Variants in SF3B3 observed in about 807,000 individuals in gnomAD.
SF3B3 encodes the protein splicing factor 3b subunit 3.
In SF3B3, 33 loss-of-function variants were observed where a neutral mutation model predicts 139.2. The observed-to-expected ratio is 0.24, with a 90% CI of 0.18 to 0.32. The LOEUF is 0.32. Ranked by LOEUF, SF3B3 falls within the 10% of genes least tolerant of loss-of-function variation. The pLI is 1.00. For synonymous variants in SF3B3, 596 were observed against 563.6 expected, an observed-to-expected ratio of 1.06 and a Z score of -0.81; for missense variants, 818 against 1,509.4, an observed-to-expected ratio of 0.54 and a Z score of 7.59.
At chr16:70,547,039 A>AAT (rs920020517) in intron 10 of SF3B3, among the ~76,000 whole-genome samples, 2 of 151,370 alleles carry the variant, frequency 1.3e-5, no homozygotes, top group Non-Finnish European at 2.9e-5. Flanking sequence ...AAAAAAAAAA[A>AAT]TTTTTTTTTA....
intron 22 of SF3B3, among the ~76,000 whole-genome samples, chr16:70,568,749 A>T (rs77880558): frequency 0.032 from 4,826 of 152,246 alleles, 292 homozygotes; most frequent in African/African-American, 0.11. Context: ...CTAATGGCTA[A>T]TATTTCTTTT....
intron 1 of SF3B3, 95 bp downstream of exon 1, chr16:70,524,023 G>C: frequency 2.5e-6 from 1 of 407,106 alleles, no homozygotes; most frequent in Non-Finnish European, 4.3e-6. Flanking sequence ...GTCACGGGCA[G>C]TCTAGGCCCG....
intron 20 of SF3B3, chr16:70,565,738 G>A (rs974889320): frequency 1.1e-5 from 6 of 536,102 alleles, no homozygotes; most frequent in African/African-American, 7.5e-5. Context: ...CCATAATGGG[G>A]AGATAGATGC....
intron 2 of SF3B3, among the ~76,000 whole-genome samples, chr16:70,528,090 A>C (rs906539121): frequency 6.6e-6 from 1 of 150,432 alleles, no homozygotes; most frequent in Non-Finnish European, 1.5e-5. Flanking sequence ...CACATTTTTA[A>C]TACTAATTTT....
chr16:70,566,065 C>G (rs140006038), intron 20 of SF3B3, among the ~76,000 whole-genome samples: 1 of 150,216 alleles, frequency 6.7e-6, no homozygotes, highest in African/African-American at 2.5e-5. Flanking sequence ...TGCAGTGAGC[C>G]GAGATTGCGC....
intron 15 of SF3B3, among the ~76,000 whole-genome samples, chr16:70,559,446 C>T (rs553995138): frequency 3.0e-4 from 46 of 151,966 alleles, no homozygotes; most frequent in African/African-American, 1.0e-3. Flanking sequence ...CAGCGCTTTG[C>T]GAGGCTGAGG....
Position 70,528,915 on chromosome 16 carries a change from T to G in SF3B3, c.113T>G (p.Leu38Trp). Residue 38 changes from leucine (L) to tryptophan (W), a missense_variant, in exon 3 of 26, where the codon TTG becomes TGG. Leu to Trp is a moderately conservative substitution (Grantham distance 61, BLOSUM62 -2). This residue lies in a region of SF3B3 where 144 missense variants were observed against 259.2 expected (regional missense o/e 0.56). Transcript: ENST00000302516. ...QEIVVSRGKILELLRPDPNTG... is the reference protein window; with the variant it reads ...QEIVVSRGKIWELLRPDPNTG... Reference sequence around the variant, plus strand: ...ATTGTTGTTTCCCGTGGGAAGATCTTGGAGCTGCTTCGCCCAGACCCCAAC... The same window carrying G: ...ATTGTTGTTTCCCGTGGGAAGATCTGGGAGCTGCTTCGCCCAGACCCCAAC... The G allele has an allele frequency of 1.2e-6, 2 of 1,613,690 alleles. No homozygotes were observed. The highest frequency in any genetic ancestry group is 1.7e-6 in the Non-Finnish European group (2 of 1,179,664).
Position 70,562,810 on chromosome 16 carries a change from TTTTA to T in SF3B3, c.2288+1031_2288+1034del, listed in dbSNP as rs566859812. Among the ~76,000 whole-genome samples, 415 of 152,272 alleles carry T rather than the reference TTTTA, an allele frequency of 2.7e-3. 1 individual carries two copies. The highest frequency in any genetic ancestry group is 4.0e-3 in the Non-Finnish European group (272 of 68,018). On this transcript the variant is annotated intron_variant, in intron 17 of 25. Transcript: ENST00000302516. ...AGAGTTCTTGGCAGGCAGTTTATTT[TTTTA>T]TTTAATTATTTTTATTTTTAAGTTT...
At chr16:70,525,935 T>C (rs2050058355) in intron 1 of SF3B3, among the ~76,000 whole-genome samples, 1 of 119,578 alleles carries the variant, frequency 8.4e-6, no homozygotes, top group South Asian at 2.8e-4. Context: ...CACTCCAGCC[T>C]GGGCGACAGA....
At chr16:70,563,149 C>T (rs1162736388) in intron 17 of SF3B3, among the ~76,000 whole-genome samples, 1 of 151,822 alleles carries the variant, frequency 6.6e-6, no homozygotes, top group Non-Finnish European at 1.5e-5. Context: ...TTGGTATTTT[C>T]AACAGAGTTG....
rs2050359021 is a variant in SF3B3, at chr16:70,554,279, C to T, written c.1403-167C>T. ...GTAGGCTCTTCTGACCCCTAGTTTT[C>T]TTCTGGATCATTTTGCTCTGTGTGC... On this transcript the variant is annotated intron_variant, in intron 11 of 25. Coordinates refer to ENST00000302516, the MANE Select transcript of SF3B3 (RefSeq NM_012426.5). 3 of 586,746 alleles carry T rather than the reference C, an allele frequency of 5.1e-6. No individual in the cohort carries two copies. In the Admixed American group the frequency reaches 9.4e-5, roughly 18 times the overall value. The allele number at this position is 586,746 out of a possible 1,614,324, so 36.3% of individuals were successfully genotyped here.
chr16:70,554,430 T>C lies in SF3B3; in HGVS notation c.1403-16T>C. ...ATGAGTTCTTATCTAACCAACTCCC[T>C]TCTTTTCTTTTTCAGATGAGTTTGA... is the stretch of plus-strand genomic sequence containing the variant. On this transcript the variant is annotated splice_polypyrimidine_tract_variant and intron_variant, in intron 11 of 25. Coordinates refer to ENST00000302516, the MANE Select transcript of SF3B3 (RefSeq NM_012426.5). The C allele has an allele frequency of 6.2e-7, 1 of 1,613,446 alleles. No individual in the cohort carries two copies. Among genetic ancestry groups the C allele is most frequent in the Non-Finnish European group, 8.5e-7 (1 of 1,179,488 alleles).
chr16:70,564,321 A>G (rs1011517085), intron 18 of SF3B3, among the ~76,000 whole-genome samples: 4 of 152,202 alleles, frequency 2.6e-5, no homozygotes, highest in Non-Finnish European at 2.9e-5. Context: ...GCAGTGAGCC[A>G]TGATCATGCC....
chr16:70,540,221 C>G (rs890334315), intron 8 of SF3B3, among the ~76,000 whole-genome samples: 1 of 151,060 alleles, frequency 6.6e-6, no homozygotes, highest in Non-Finnish European at 1.5e-5. Context: ...ATGGAGAAAC[C>G]CTGTCTCTAC....
At chr16:70,545,033 C>G (rs930004255) in intron 10 of SF3B3, among the ~76,000 whole-genome samples, 6 of 152,134 alleles carry the variant, frequency 3.9e-5, no homozygotes. Flanking sequence ...TTCCTTATTA[C>G]TATATACTCC....
At position 70,550,779 on chromosome 16, in the gene SF3B3, G is replaced by C. The variant is rs938489185; in HGVS notation, c.1402+2337G>C. ...GGCTGCCCTGATGGTGTCTTTCAGA[G>C]GGTAACTTTGCAGTTGGATGTCACT... On this transcript the variant is annotated intron_variant, in intron 11 of 25. Coordinates refer to ENST00000302516, the MANE Select transcript of SF3B3 (RefSeq NM_012426.5). 8 of 471,726 alleles carry C rather than the reference G, an allele frequency of 1.7e-5. 1 individual carries two copies. The highest frequency in any genetic ancestry group is 1.5e-4 in the African/African-American group (7 of 47,174). 29.2% of individuals were successfully genotyped at this position (471,726 alleles called of 1,614,324 possible).
chr16:70,556,770 G>T, intron 14 of SF3B3, 116 bp from the exon 15 acceptor site: 3 of 1,150,740 alleles, frequency 2.6e-6, no homozygotes, highest in Non-Finnish European at 3.8e-6. Context: ...CACTCCCCGG[G>T]TTTTTTCTGT....
rs2050384621 is a variant in SF3B3 at position 70,556,979 on chromosome 16, C to G, written c.1960C>G (p.Leu654Val). The stretch of plus-strand genomic sequence containing the variant: ...GGGTGGGACTGAGAAGCAGGATGAG[C>G]TGGGTGAGAGGGGCTCGATTGGCTT... ...EMGGTEKQDE[L>V]GERGSIGFLY... The change falls in exon 15 of 26, where the codon CTG becomes GTG. Residue 654 changes from leucine to valine, a missense_variant. By Grantham distance (32) the Leu-to-Val change is conservative. Around this residue, in one of 14 missense-constraint regions of SF3B3, gnomAD observed 170 missense variants for 353.0 expected, o/e 0.48. Transcript: ENST00000302516. The G allele has an allele frequency of 1.9e-6, 3 of 1,614,050 alleles. No individual in the cohort carries two copies. The highest frequency in any genetic ancestry group is 2.5e-6 in the Non-Finnish European group (3 of 1,179,992).
intron 1 of SF3B3, among the ~76,000 whole-genome samples, chr16:70,525,608 C>G (rs948655489): frequency 6.6e-6 from 1 of 152,098 alleles, no homozygotes; most frequent in Non-Finnish European, 1.5e-5. Flanking sequence ...TCTCCACTCC[C>G]TGGTCTTTCA....
Sources: gnomAD v4.1 joint callset for allele counts (sites outside exome capture counted in the v4.1 genomes callset) on GRCh38, gnomAD v4.1.1 for gene constraint, gnomAD v4.1.1 regional missense constraint, MANE v1.5 for transcripts, NCBI Gene and HGNC (gene_info 2026-07-23, HGNC 2026-07-21) for gene names.